The following MAP2K3 variants were observed in gnomAD, a reference collection of about 807,000 sequenced individuals.
MAP2K3 encodes the protein dual specificity mitogen-activated protein kinase kinase 3.
In MAP2K3, 30 loss-of-function variants were observed where a neutral mutation model predicts 46.4. The ratio of observed to expected loss-of-function variants is 0.65; its 90% CI spans 0.48 to 0.88. MAP2K3 has a LOEUF of 0.88. Ranked by LOEUF, MAP2K3 falls within the 40% of genes least tolerant of loss-of-function variation. The pLI is 0.00. For missense variants in MAP2K3, 380 were observed against 464.5 expected, an observed-to-expected ratio of 0.82 and a Z score of 1.67; for synonymous variants, 189 against 176.3, an observed-to-expected ratio of 1.07 and a Z score of -0.57.
intron 9 of MAP2K3, among the ~76,000 whole-genome samples, chr17:21,307,636 T>A (rs1976959602): frequency 6.6e-6 from 1 of 151,794 alleles, no homozygotes; most frequent in African/African-American, 2.4e-5. Flanking sequence ...GTGTTGCTGC[T>A]ACCATTGTTA....
At position 21,284,972 on chromosome 17, in the gene MAP2K3, A is replaced by G. The variant is rs1225103156; in HGVS notation, c.49+3A>G. On this transcript the variant is annotated splice_donor_region_variant and intron_variant, in intron 1 of 11. Coordinates refer to ENST00000342679, the MANE Select transcript of MAP2K3 (RefSeq NM_145109.3). ...CGCCAGCATGCCCCAGTCCAAAGGT[A>G]GGCGCTCCCGGCCGGGACCTCGGCC... 6.2e-6 allele frequency: 10 copies of G among 1,609,342 alleles called. No homozygotes were observed. Among genetic ancestry groups the G allele is most frequent in the East Asian group, 2.2e-5 (1 of 44,782 alleles).
intron 1 of MAP2K3, among the ~76,000 whole-genome samples, chr17:21,295,405 C>A (rs1976181487): frequency 6.6e-6 from 1 of 152,310 alleles, no homozygotes; most frequent in African/African-American, 2.4e-5. Context: ...CCCCAGGACA[C>A]CCCGTGCTGA....
chr17:21,302,638 C>T (rs1976671795), intron 6 of MAP2K3, among the ~76,000 whole-genome samples: 1 of 152,310 alleles, frequency 6.6e-6, no homozygotes, highest in African/African-American at 2.4e-5. Flanking sequence ...GAAAGGTTAG[C>T]ATCCAAAATG....
chr17:21,293,077 G>A (rs1976033270), intron 1 of MAP2K3, among the ~76,000 whole-genome samples: 1 of 152,306 alleles, frequency 6.6e-6, no homozygotes, highest in Non-Finnish European at 1.5e-5. Context: ...GCACATAGTA[G>A]GTATTCACTA....
At chr17:21,285,169 G>T in intron 1 of MAP2K3, 200 bp downstream of exon 1, 2 of 917,658 alleles carry the variant, frequency 2.2e-6, no homozygotes, top group Non-Finnish European at 2.6e-6. Flanking sequence ...TAGGCCTTGG[G>T]ACTGCACTCA....
intron 1 of MAP2K3, among the ~76,000 whole-genome samples, chr17:21,296,500 G>T (rs1162379561): frequency 6.6e-6 from 1 of 152,310 alleles, no homozygotes; most frequent in Non-Finnish European, 1.5e-5. Context: ...TTCCGCCTCA[G>T]GGAGGGCTCC....
At chr17:21,295,793 AGG>A (rs3035435) in intron 1 of MAP2K3, 143,708 of 1,271,684 alleles carry the variant, frequency 0.11, 37 homozygotes, top group African/African-American at 0.24. Flanking sequence ...GGCTTGGTGA[AGG>A]GGGGGCCACA....
chr17:21,302,349 G>A, intron 6 of MAP2K3, 90 bp downstream of exon 6: 1 of 1,435,682 alleles, frequency 7.0e-7, no homozygotes, highest in South Asian at 1.2e-5. Context: ...CCTATTGATG[G>A]TGTCTTGGGC....
At chr17:21,295,951 C>A in intron 1 of MAP2K3, 2 of 1,247,402 alleles carry the variant, frequency 1.6e-6, no homozygotes, top group Non-Finnish European at 2.1e-6. Flanking sequence ...AAGGTCAAGG[C>A]CCAGGGTCTC....
intron 1 of MAP2K3, chr17:21,295,848 G>A (rs1158977650): frequency 1.6e-6 from 2 of 1,289,190 alleles, no homozygotes; most frequent in African/African-American, 1.5e-5. Context: ...GTGGGTGGCA[G>A]GCTGGGGCCA....
At chr17:21,291,346 T>TACAACACAACACAACACAAC (rs71160134) in intron 1 of MAP2K3, 60,730 of 342,908 alleles carry the variant, frequency 0.18, 6,357 homozygotes, top group African/African-American at 0.33. Flanking sequence ...TACAATACAA[T>TACAACACAACACAACACAAC]ACAACACAAC....
At chr17:21,298,568 G>C in intron 2 of MAP2K3, 89 bp downstream of exon 2, 1 of 1,603,250 alleles carries the variant, frequency 6.2e-7, no homozygotes, top group Non-Finnish European at 8.5e-7. Context: ...GGTGGGGCCA[G>C]CCCTGCTTTA....
At chr17:21,298,825 T>G in intron 2 of MAP2K3, 53 bp from the exon 3 acceptor site, 2 of 1,613,620 alleles carry the variant, frequency 1.2e-6, no homozygotes, top group Non-Finnish European at 8.5e-7. Flanking sequence ...ACTGCTGCAC[T>G]TGGGGAAGGG....
At chr17:21,301,232 G>A (rs1056475403) in intron 5 of MAP2K3, among the ~76,000 whole-genome samples, 5 of 152,310 alleles carry the variant, frequency 3.3e-5, no homozygotes, top group Admixed American at 3.3e-4. Context: ...AAACGACATG[G>A]CCTGGGGCCT....
intron 3 of MAP2K3, among the ~76,000 whole-genome samples, chr17:21,299,325 G>A (rs1976455944): frequency 2.0e-5 from 3 of 152,428 alleles, no homozygotes; most frequent in African/African-American, 2.4e-5. Context: ...AGCCTCGGAA[G>A]GGCACTAGCC....
intron 9 of MAP2K3, among the ~76,000 whole-genome samples, chr17:21,310,039 C>G (rs1408794159): frequency 6.8e-6 from 1 of 146,272 alleles, no homozygotes; most frequent in Non-Finnish European, 1.5e-5. Flanking sequence ...TAGTTTTGCT[C>G]TTGGTGCCCA....
intron 7 of MAP2K3, 143 bp from the exon 8 acceptor site, chr17:21,304,283 C>T: frequency 1.4e-6 from 2 of 1,462,470 alleles, no homozygotes; most frequent in Non-Finnish European, 1.9e-6. Flanking sequence ...CCCTTGGGAC[C>T]CTGGTGCAAC....
In MAP2K3 at chr17:21,300,964, G is replaced by A; in HGVS notation, c.370G>A (p.Val124Ile). 1 of 1,614,158 alleles carries A rather than the reference G, an allele frequency of 6.2e-7. No homozygotes were observed. Among genetic ancestry groups the A allele is most frequent in the Non-Finnish European group, 8.5e-7 (1 of 1,179,980 alleles). The change falls in exon 5 of 12, where the codon GTC (valine) becomes ATC (isoleucine). Residue 124 changes from valine to isoleucine, a missense_variant. Physicochemically the swap from Val to Ile is conservative, Grantham distance 29. Around this residue, in one of 5 missense-constraint regions of MAP2K3, gnomAD observed 294 missense variants for 275.4 expected, o/e 1.07. Transcript: ENST00000342679. Reference protein sequence around the residue: ...NMRTVDCFYTVTFYGALFREG... With the variant: ...NMRTVDCFYTITFYGALFREG... The stretch of plus-strand genomic sequence containing the variant: ...GCGCACGGTCGACTGTTTCTACACT[G>A]TCACCTTCTACGGGGCACTATTCAG...
intron 3 of MAP2K3, 49 bp downstream of exon 3, chr17:21,298,975 G>A: frequency 6.2e-7 from 1 of 1,613,114 alleles, no homozygotes; most frequent in Non-Finnish European, 8.5e-7. Context: ...CACCTGACGA[G>A]CGGGTAGAGC....
Sources: gnomAD v4.1 joint callset for allele counts (sites outside exome capture counted in the v4.1 genomes callset) on GRCh38, gnomAD v4.1.1 for gene constraint, gnomAD v4.1.1 regional missense constraint, MANE v1.5 for transcripts, NCBI Gene and HGNC (gene_info 2026-07-23, HGNC 2026-07-21) for gene names.